Variants in PPFIBP2 observed in about 807,000 individuals in gnomAD.
PPFIBP2 encodes liprin-beta-2.
PPFIBP2 carries 118 observed loss-of-function variants against 118.3 expected under a neutral mutation model. The observed-to-expected ratio is 1.00, with a 90% CI of 0.86 to 1.16. The LOEUF is 1.16. Ranked by LOEUF, PPFIBP2 falls within the 50% of genes most tolerant of loss-of-function variation. The pLI is 0.00. For synonymous variants in PPFIBP2, 414 were observed against 397.4 expected (o/e 1.04, Z -0.50); for missense variants, 1,195 against 1,073.1 (o/e 1.11, Z -1.59).
chr11:7,590,759 G>A (rs536619041), intron 3 of PPFIBP2, among the ~76,000 whole-genome samples: 108 of 152,118 alleles, frequency 7.1e-4, no homozygotes, highest in Non-Finnish European at 1.3e-3. Context: ...TTCACCTTTG[G>A]CCCATATTGT....
the PPFIBP2 span, chr11:7,665,886 A>G: frequency 2.6e-6 from 4 of 1,536,002 alleles, no homozygotes; most frequent in African/African-American, 2.7e-5. Flanking sequence ...GCCTGGTGTT[A>G]GTGGAACTGC....
intron 21 of PPFIBP2, 91 bp from the exon 22 acceptor site, chr11:7,650,749 G>A: frequency 2.1e-6 from 3 of 1,438,118 alleles, no homozygotes; most frequent in Non-Finnish European, 2.9e-6. Context: ...GATGCGTCTG[G>A]GGCAGGGTTA....
chr11:7,562,163 A>G (rs1424922153), intron 2 of PPFIBP2, among the ~76,000 whole-genome samples: 1 of 152,204 alleles, frequency 6.6e-6, no homozygotes, highest in Non-Finnish European at 1.5e-5. Context: ...TCATTGGCCC[A>G]CTGCTCACCT....
At chr11:7,641,439 C>T in intron 15 of PPFIBP2, 40 bp from the exon 16 acceptor site, 1 of 1,609,606 alleles carries the variant, frequency 6.2e-7, no homozygotes, top group Non-Finnish European at 8.5e-7. Context: ...CCAGGGGTCA[C>T]ATCCTTACAT....
At chr11:7,628,429 G>A in intron 9 of PPFIBP2, 83 bp downstream of exon 9, 2 of 1,266,066 alleles carry the variant, frequency 1.6e-6, no homozygotes, top group Non-Finnish European at 2.3e-6. Context: ...CTGATATTCT[G>A]GACAGGACCA....
the PPFIBP2 span, chr11:7,666,946 G>T: frequency 6.2e-6 from 1 of 161,104 alleles, no homozygotes; most frequent in Admixed American, 6.3e-5. Context: ...TCTTCTGGAA[G>T]AAATGTAATG....
At chr11:7,607,397 T>G (rs1031655480) in intron 5 of PPFIBP2, among the ~76,000 whole-genome samples, 2 of 151,586 alleles carry the variant, frequency 1.3e-5, no homozygotes, top group South Asian at 2.1e-4. Context: ...GCGTATGTAT[T>G]TTTTGTAGAG....
intron 1 of PPFIBP2, among the ~76,000 whole-genome samples, chr11:7,537,290 GGACCCCCTT>G (rs1293408793): frequency 6.6e-6 from 1 of 152,288 alleles, no homozygotes; most frequent in Non-Finnish European, 1.5e-5. Flanking sequence ...ATCCCTCACA[GGACCCCCTT>G]GAAGATTAAA....
rs535136157 is a variant in PPFIBP2, at chr11:7,603,739, C to T, written c.486+6066C>T. 2.6e-5 allele frequency among the ~76,000 whole-genome samples: 4 copies of T among 152,260 alleles called. No individual in the cohort carries two copies. The South Asian group carries it at 6.2e-4, about 24-fold the overall frequency. ...CCGAGATATAAACTTTCTTTCATCT[C>T]TTAGAAGAAGTATTTGTCCTTCTGA... is the stretch of plus-strand genomic sequence containing the variant. On this transcript the variant is annotated intron_variant, in intron 5 of 23. Transcript: ENST00000299492.
chr11:7,610,257 G>A, intron 5 of PPFIBP2, 34 bp from the exon 6 acceptor site: 8 of 1,606,220 alleles, frequency 5.0e-6, no homozygotes, highest in South Asian at 1.1e-5. Context: ...TTGCCATAGT[G>A]GTTTCTGATT....
the PPFIBP2 span, among the ~76,000 whole-genome samples, chr11:7,662,328 T>C: frequency 1.3e-5 from 2 of 152,242 alleles, no homozygotes; most frequent in East Asian, 1.9e-4. Context: ...CAGGAGCTCT[T>C]TTAGGGCAGG....
intron 1 of PPFIBP2, among the ~76,000 whole-genome samples, chr11:7,546,746 G>A (rs1852367415): frequency 6.6e-6 from 1 of 152,160 alleles, no homozygotes; most frequent in African/African-American, 2.4e-5. Flanking sequence ...TGCTTCCCTG[G>A]CTTTCCTGTG....
At chr11:7,651,552 C>A in intron 22 of PPFIBP2, 104 bp from the exon 23 acceptor site, 1 of 1,044,980 alleles carries the variant, frequency 9.6e-7, no homozygotes, top group Non-Finnish European at 1.4e-6. Context: ...TCCTGTCCCT[C>A]CTCTGGAGGC....
At chr11:7,624,473 C>T (rs1184505626) in intron 7 of PPFIBP2, among the ~76,000 whole-genome samples, 1 of 152,212 alleles carries the variant, frequency 6.6e-6, no homozygotes, top group Non-Finnish European at 1.5e-5. Context: ...GGCCAGTACT[C>T]ATTTAATTAC....
At chr11:7,558,060 T>C (rs11041450) in intron 2 of PPFIBP2, among the ~76,000 whole-genome samples, 78,967 of 152,120 alleles carry the variant, frequency 0.52, 22,276 homozygotes, top group African/African-American at 0.75. Context: ...ATATTTTGCA[T>C]GAATGAAGAT....
intron 2 of PPFIBP2, among the ~76,000 whole-genome samples, chr11:7,554,785 T>TGACTAGACTA (rs530273964): frequency 0.17 from 21,452 of 129,660 alleles, 2,254 homozygotes; most frequent in African/African-American, 0.38. Flanking sequence ...GAATCCCAGG[T>TGACTAGACTA]GACTAGACTA....
At position 7,653,201 on chromosome 11, in the gene PPFIBP2, G is replaced by A. The variant is rs755873294; in HGVS notation, c.2614G>A (p.Val872Met). ...DAPELDGLDQVGQIS is the reference protein window; with the variant it reads ...DAPELDGLDQMGQIS ...CCCTGAACTGGATGGGCTGGACCAG[G>A]TGGGACAGATTAGCTGATGCCCTTG... The change falls in exon 24 of 24, where the codon GTG (valine) becomes ATG (methionine). Residue 872 changes from valine to methionine, a missense_variant. Coordinates refer to ENST00000299492, the MANE Select transcript of PPFIBP2 (RefSeq NM_003621.5). 1.2e-6 allele frequency: 2 copies of A among 1,614,160 alleles called. No individual in the cohort carries two copies. The highest frequency in any genetic ancestry group is 2.2e-5 in the South Asian group (2 of 91,090).
intron 1 of PPFIBP2, among the ~76,000 whole-genome samples, chr11:7,534,642 C>T (rs1157264055): frequency 1.3e-5 from 2 of 152,110 alleles, no homozygotes; most frequent in Non-Finnish European, 2.9e-5. Context: ...GCTGTGGGGG[C>T]AGGTGTGGTG....
chr11:7,541,135 A>G (rs1327815027), intron 1 of PPFIBP2, among the ~76,000 whole-genome samples: 2 of 152,192 alleles, frequency 1.3e-5, no homozygotes, highest in Admixed American at 1.3e-4. Context: ...CAGTTCCTCA[A>G]CTTTGGTCAG....
Sources: allele counts gnomAD v4.1 joint callset (sites outside exome capture counted in the v4.1 genomes callset), GRCh38; gene constraint gnomAD v4.1.1; transcripts MANE v1.5; gene names NCBI Gene and HGNC (gene_info 2026-07-23, HGNC 2026-07-21).